The following ASPRV1 variants were observed in gnomAD, a reference collection of about 807,000 sequenced individuals.
ASPRV1 encodes retroviral-like aspartic protease 1.
In ASPRV1, 7 loss-of-function variants were observed where a neutral mutation model predicts 11.0. The ratio of observed to expected loss-of-function variants is 0.64; its 90% CI spans 0.36 to 1.20. The LOEUF is 1.20. Ranked by LOEUF, ASPRV1 falls within the 50% of genes most tolerant of loss-of-function variation. The probability of loss-of-function intolerance (pLI) is 0.02; values close to 1 mark genes in which losing one functional copy is unlikely to be tolerated. For missense variants in ASPRV1, 299 were observed against 320.0 expected (o/e 0.93, Z 0.50); for synonymous variants, 136 against 138.4 (o/e 0.98, Z 0.12).
the ASPRV1 span, among the ~76,000 whole-genome samples, chr2:69,984,700 A>G: frequency 7.0e-6 from 1 of 143,742 alleles, no homozygotes; most frequent in East Asian, 2.0e-4. Context: ...GGCTCCCTGC[A>G]ACCTCTATCT....
At chr2:70,074,816 G>A in the ASPRV1 span, among the ~76,000 whole-genome samples, 5 of 149,804 alleles carry the variant, frequency 3.3e-5, no homozygotes, top group Middle Eastern at 3.2e-3. Flanking sequence ...GAGTGCAGAG[G>A]TTAAGAGCAT....
the ASPRV1 span, among the ~76,000 whole-genome samples, chr2:70,042,852 A>C: frequency 1.3e-5 from 2 of 152,184 alleles, no homozygotes; most frequent in Non-Finnish European, 2.9e-5. Context: ...AAATGTGTCC[A>C]AAAAAATTAG....
the ASPRV1 span, among the ~76,000 whole-genome samples, chr2:69,979,826 C>T: frequency 2.6e-5 from 4 of 152,294 alleles, no homozygotes; most frequent in South Asian, 2.1e-4. Context: ...CTAAGCTCCA[C>T]GCTCTCCATA....
chr2:69,978,405 C>T, the ASPRV1 span, among the ~76,000 whole-genome samples: 3 of 152,230 alleles, frequency 2.0e-5, no homozygotes, highest in Admixed American at 2.0e-4. Context: ...GGGACCAGCA[C>T]TGCCTCACCC....
the ASPRV1 span, chr2:69,995,522 C>CGA: frequency 6.6e-6 from 1 of 152,272 alleles, no homozygotes; most frequent in South Asian, 2.1e-4. Context: ...GTTACACTCA[C>CGA]ATCCATCCTG....
chr2:69,957,287 T>C (rs1007610911), downstream of ASPRV1, among the ~76,000 whole-genome samples: 13 of 151,990 alleles, frequency 8.6e-5, no homozygotes, highest in Admixed American at 3.3e-4. Flanking sequence ...CCTATATATA[T>C]AGATAGGAGA....
At chr2:70,011,893 GA>G in the ASPRV1 span, 1 of 152,820 alleles carries the variant, frequency 6.5e-6, no homozygotes, top group Non-Finnish European at 1.5e-5. Context: ...AGAGAGGGAG[GA>G]AAAGCAGGAG....
At chr2:70,046,799 G>C in the ASPRV1 span, 1 of 152,162 alleles carries the variant, frequency 6.6e-6, no homozygotes, top group East Asian at 1.9e-4. Flanking sequence ...TCAGGGAACT[G>C]GCAAAACAAG....
the ASPRV1 span, among the ~76,000 whole-genome samples, chr2:69,945,159 C>T: frequency 1.3e-5 from 2 of 152,096 alleles, no homozygotes; most frequent in Admixed American, 6.5e-5. Context: ...GGAGGATGGG[C>T]GCCCAGGAGG....
chr2:70,042,832 C>T, the ASPRV1 span, among the ~76,000 whole-genome samples: 1 of 152,104 alleles, frequency 6.6e-6, no homozygotes, highest in East Asian at 1.9e-4. Flanking sequence ...TCCTAGGCTG[C>T]CCACTAGGGA....
chr2:70,021,085 G>A, the ASPRV1 span, among the ~76,000 whole-genome samples: 8 of 152,194 alleles, frequency 5.3e-5, no homozygotes, highest in East Asian at 1.5e-3. Context: ...CCCTCCCCCA[G>A]TCCCTGGTGG....
the ASPRV1 span, among the ~76,000 whole-genome samples, chr2:70,026,610 A>C: frequency 2.6e-5 from 4 of 152,028 alleles, no homozygotes; most frequent in Non-Finnish European, 4.4e-5. Context: ...AATAGCAAAA[A>C]AAAATAAAAT....
the ASPRV1 span, among the ~76,000 whole-genome samples, chr2:69,967,491 C>T: frequency 1.3e-5 from 2 of 152,170 alleles, no homozygotes; most frequent in South Asian, 2.1e-4. Context: ...ACCATCTGAG[C>T]GGGGGATGTG....
At chr2:70,059,233 C>G in the ASPRV1 span, among the ~76,000 whole-genome samples, 10 of 149,212 alleles carry the variant, frequency 6.7e-5, no homozygotes, top group Admixed American at 2.0e-4. Context: ...ACTTCAGTGT[C>G]TCTCAGTCTG....
the ASPRV1 span, chr2:70,056,027 C>A: frequency 2.6e-5 from 4 of 152,168 alleles, no homozygotes; most frequent in Non-Finnish European, 4.4e-5. Flanking sequence ...AGAAACAAAT[C>A]CTGTCACATG....
chr2:70,055,066 GC>G, the ASPRV1 span, among the ~76,000 whole-genome samples: 1 of 152,332 alleles, frequency 6.6e-6, no homozygotes, highest in African/African-American at 2.4e-5. Context: ...ACTTTGGGAG[GC>G]CGAGACAGGT....
At chr2:70,086,296 A>C in the ASPRV1 span, 1 of 152,156 alleles carries the variant, frequency 6.6e-6, no homozygotes, top group Non-Finnish European at 1.5e-5. Flanking sequence ...GGCCGCCCCA[A>C]GGGTAAGGAA....
the ASPRV1 span, among the ~76,000 whole-genome samples, chr2:70,047,992 C>G: frequency 2.0e-5 from 3 of 151,094 alleles, no homozygotes; most frequent in African/African-American, 7.3e-5. Flanking sequence ...GCCTGTAATC[C>G]CAGCTACTCA....
the ASPRV1 span, among the ~76,000 whole-genome samples, chr2:70,075,666 G>A: frequency 6.6e-6 from 1 of 152,004 alleles, no homozygotes; most frequent in African/African-American, 2.4e-5. Flanking sequence ...GAGGAACATC[G>A]AGAAACCCTG....
Sources: allele counts gnomAD v4.1 joint callset (sites outside exome capture counted in the v4.1 genomes callset), GRCh38; gene constraint gnomAD v4.1.1; transcripts MANE v1.5; gene names NCBI Gene and HGNC (gene_info 2026-07-23, HGNC 2026-07-21).